XPO6: variants seen among roughly 807,000 people sequenced by gnomAD.
XPO6 encodes the protein exportin-6.
Under a neutral mutation model 130.0 loss-of-function variants are expected in XPO6, and 3 were observed. That is an observed-to-expected ratio of 0.02 (90% CI 0.01 to 0.06). XPO6 has a LOEUF of 0.06. XPO6 is among the 10% of genes least tolerant of loss of function. The probability of loss-of-function intolerance (pLI) is 1.00; values close to 1 mark genes in which losing one functional copy is unlikely to be tolerated. For missense variants in XPO6, 970 were observed against 1,393.0 expected, an observed-to-expected ratio of 0.70 and a Z score of 4.83; for synonymous variants, 524 against 548.9, an observed-to-expected ratio of 0.95 and a Z score of 0.63.
chr16:28,102,768 A>C (rs1342762811), intron 21 of XPO6, among the ~76,000 whole-genome samples: 1 of 152,064 alleles, frequency 6.6e-6, no homozygotes, highest in African/African-American at 2.4e-5. Flanking sequence ...AAAAATTACT[A>C]GTTCAGGGGC....
In XPO6 at chr16:28,147,514, T is replaced by C. The variant is rs2043005876; in HGVS notation, c.1225-1311A>G. On this transcript the variant is annotated intron_variant, in intron 8 of 23. Coordinates refer to ENST00000304658, the MANE Select transcript of XPO6 (RefSeq NM_015171.4). ...AACTTCACGACCCAAAGGGTAGCTC[T>C]GGAACTAGACAGGACCAACCTCAGA... 3.3e-5 allele frequency among the ~76,000 whole-genome samples: 5 copies of C among 152,314 alleles called. No individual in the cohort carries two copies. The South Asian group carries it at 1.0e-3, about 32-fold the overall frequency.
chr16:28,098,712 C>T (rs2086587269), intron 23 of XPO6, 73 bp from the exon 24 acceptor site: 2 of 1,156,772 alleles, frequency 1.7e-6, no homozygotes, highest in African/African-American at 1.5e-5. Flanking sequence ...ACAGCTACTT[C>T]CATCCCAGAG....
chr16:28,156,560 C>A, intron 6 of XPO6, 33 bp from the exon 7 acceptor site: 3 of 1,474,734 alleles, frequency 2.0e-6, no homozygotes, highest in East Asian at 2.3e-5. Flanking sequence ...AGCTATCCAG[C>A]ATCAAATCTC....
At position 28,104,668 on chromosome 16, in the gene XPO6, G is replaced by C. The variant is rs1207551815; in HGVS notation, c.2824C>G (p.Leu942Val). ...PDVKAELFELLFRTLHHNWRY... is the reference protein window; with the variant it reads ...PDVKAELFELVFRTLHHNWRY... ...CAGTTGTGATGGAGCGTCCGGAAAA[G>C]GAGCTCAAACAGCTCGGCCTTCACA... Residue 942 changes from leucine (L) to valine (V), a missense_variant, in exon 21 of 24, where the codon CTT (leucine) becomes GTT (valine). Coordinates refer to ENST00000304658, the MANE Select transcript of XPO6 (RefSeq NM_015171.4). 6.2e-7 allele frequency: 1 copy of C among 1,614,040 alleles called. No individual in the cohort carries two copies. Among genetic ancestry groups the C allele is most frequent in the East Asian group, 2.2e-5 (1 of 44,894 alleles).
chr16:28,184,206 A>C (rs2043659372), intron 1 of XPO6, among the ~76,000 whole-genome samples: 2 of 152,240 alleles, frequency 1.3e-5, no homozygotes, highest in Non-Finnish European at 2.9e-5. Context: ...CCCAAAGGCT[A>C]TTCAAAAACT....
intron 9 of XPO6, among the ~76,000 whole-genome samples, chr16:28,138,743 A>G (rs1194621847): frequency 6.6e-6 from 1 of 152,132 alleles, no homozygotes; most frequent in Non-Finnish European, 1.5e-5. Flanking sequence ...TCTTTTGCCC[A>G]ACCTATCCCA....
intron 12 of XPO6, among the ~76,000 whole-genome samples, chr16:28,127,065 G>C (rs2087436532): frequency 6.6e-6 from 1 of 152,212 alleles, no homozygotes; most frequent in East Asian, 1.9e-4. Flanking sequence ...CCCTGAAGCA[G>C]GTGCTGAAGC....
intron 9 of XPO6, among the ~76,000 whole-genome samples, chr16:28,143,585 T>C (rs1245771538): frequency 6.6e-6 from 1 of 152,238 alleles, no homozygotes; most frequent in Non-Finnish European, 1.5e-5. Flanking sequence ...ATACTAATAA[T>C]CTGCTAGTAT....
At chr16:28,149,454 T>C (rs543922239) in intron 8 of XPO6, among the ~76,000 whole-genome samples, 6 of 152,232 alleles carry the variant, frequency 3.9e-5, no homozygotes, top group Admixed American at 6.5e-5. Flanking sequence ...TCATGTACCA[T>C]ATAACAACAT....
At chr16:28,124,503 G>A (rs973485335) in intron 13 of XPO6, among the ~76,000 whole-genome samples, 1 of 152,142 alleles carries the variant, frequency 6.6e-6, no homozygotes, top group Admixed American at 6.5e-5. Context: ...GAGGAGGAAC[G>A]GACTGGCAAT....
At chr16:28,207,291 G>C (rs1168557964) in intron 1 of XPO6, among the ~76,000 whole-genome samples, 1 of 150,692 alleles carries the variant, frequency 6.6e-6, no homozygotes, top group East Asian at 1.9e-4. Context: ...ACAAACCTTA[G>C]CAGGCAATTC....
intron 5 of XPO6, 74 bp downstream of exon 5, chr16:28,169,676 T>G: frequency 1.3e-6 from 2 of 1,563,242 alleles, no homozygotes; most frequent in Non-Finnish European, 1.7e-6. Context: ...TGCTCAAAGC[T>G]GCTGAGTGCC....
At chr16:28,141,177 A>G (rs556431517) in intron 9 of XPO6, among the ~76,000 whole-genome samples, 1 of 152,268 alleles carries the variant, frequency 6.6e-6, no homozygotes, top group Non-Finnish European at 1.5e-5. Context: ...CCTCACTCAC[A>G]TTTGTTTACA....
intron 9 of XPO6, among the ~76,000 whole-genome samples, chr16:28,136,417 G>A (rs942732258): frequency 5.3e-5 from 8 of 151,988 alleles, no homozygotes; most frequent in Admixed American, 3.3e-4. Context: ...ACAGGATTTC[G>A]CCATGTTGGC....
At chr16:28,108,532 G>C (rs556925761) in intron 17 of XPO6, among the ~76,000 whole-genome samples, 33 of 152,266 alleles carry the variant, frequency 2.2e-4, no homozygotes, top group African/African-American at 7.7e-4. Context: ...CATCTAAGAA[G>C]GTCCAGGACG....
intron 7 of XPO6, chr16:28,154,363 A>G: frequency 1.2e-6 from 1 of 826,570 alleles, no homozygotes; most frequent in South Asian, 5.6e-5. Context: ...GCTGTTCAGT[A>G]GCTAAAACTA....
At chr16:28,195,558 GC>G (rs1285816341) in intron 1 of XPO6, among the ~76,000 whole-genome samples, 2 of 152,166 alleles carry the variant, frequency 1.3e-5, no homozygotes, top group Non-Finnish European at 2.9e-5. Context: ...TTAGAGACCA[GC>G]CTGGTCAACA....
At chr16:28,133,998 G>C (rs1179891997) in intron 10 of XPO6, 65 bp from the exon 11 acceptor site, 2 of 1,509,330 alleles carry the variant, frequency 1.3e-6, no homozygotes, top group Non-Finnish European at 9.2e-7. Context: ...CCAACCTCAA[G>C]ACCACTCTCA....
At chr16:28,156,628 A>G (rs1374599533) in intron 6 of XPO6, 101 bp from the exon 7 acceptor site, 2 of 691,720 alleles carry the variant, frequency 2.9e-6, no homozygotes, top group Non-Finnish European at 4.3e-6. Context: ...ATGTATACAT[A>G]TATGTATCAG....
Sources: gnomAD v4.1 joint callset for allele counts (sites outside exome capture counted in the v4.1 genomes callset) on GRCh38, gnomAD v4.1.1 for gene constraint, MANE v1.5 for transcripts, NCBI Gene and HGNC (gene_info 2026-07-23, HGNC 2026-07-21) for gene names.